FRMPD4: variants seen among roughly 807,000 people sequenced by gnomAD.
FRMPD4 encodes FERM and PDZ domain containing 4, also known as FERM and PDZ domain-containing protein 4.
Under a neutral mutation model 94.1 loss-of-function variants are expected in FRMPD4, and 22 were observed. The ratio of observed to expected loss-of-function variants is 0.23; its 90% confidence interval spans 0.17 to 0.33. The LOEUF (loss-of-function observed/expected upper bound fraction) is 0.33, where lower values mean the gene tolerates loss of function less well. Among genes scored for constraint, FRMPD4 ranks in the 10% least tolerant of loss-of-function variants. The pLI, the probability that FRMPD4 is intolerant of heterozygous loss-of-function variation, is 1.00. For synonymous variants in FRMPD4, 631 were observed against 548.6 expected (o/e 1.15, Z -2.10); for missense variants, 1,111 against 1,339.9 (o/e 0.83, Z 2.67).
At chrX:12,071,117 A>G (rs139007823) in intron 3 of FRMPD4, among the ~76,000 whole-genome samples, 3,883 of 111,327 alleles carry the variant, frequency 0.035, 81 homozygotes, top group Non-Finnish European at 0.056. Flanking sequence ...TGGGTCTCTG[A>G]GTATTGATCA....
intron 1 of FRMPD4, among the ~76,000 whole-genome samples, chrX:12,331,818 CTATATATAAATTATATAT>C (rs2055402362): frequency 1.3e-4 from 4 of 31,238 alleles, no homozygotes; most frequent in African/African-American, 6.5e-4. Flanking sequence ...TATTTATATA[CTATATATAAATTATATAT>C]ATTTATATAC....
At chrX:12,607,373 T>G (rs1160694131) in intron 2 of FRMPD4, among the ~76,000 whole-genome samples, 1 of 111,549 alleles carries the variant, frequency 9.0e-6, no homozygotes, top group African/African-American at 3.3e-5. Flanking sequence ...TTTCTATTAA[T>G]AGAATGGTGG....
intron 9 of FRMPD4, among the ~76,000 whole-genome samples, chrX:12,695,401 T>A (rs4830472): frequency 0.35 from 39,173 of 110,413 alleles, 5,495 homozygotes; most frequent in Middle Eastern, 0.46. Flanking sequence ...ACTCTTTTTT[T>A]TTTATTTATT....
At chrX:12,085,604 T>C in intron 3 of FRMPD4, among the ~76,000 whole-genome samples, 1 of 110,919 alleles carries the variant, frequency 9.0e-6, no homozygotes, top group East Asian at 2.8e-4. Context: ...GGGCATGATT[T>C]CTCGTGCCTG....
intron 1 of FRMPD4, among the ~76,000 whole-genome samples, chrX:12,422,997 G>A (rs1344277632): frequency 9.0e-6 from 1 of 111,201 alleles, no homozygotes; most frequent in Non-Finnish European, 1.9e-5. Context: ...TGAGGGGAAA[G>A]GGTTTTCTTG....
At chrX:12,563,229 TGTAA>T (rs1311066059) in intron 2 of FRMPD4, among the ~76,000 whole-genome samples, 1 of 85,269 alleles carries the variant, frequency 1.2e-5, no homozygotes, top group East Asian at 3.3e-4. Flanking sequence ...ATTTTATGCA[TGTAA>T]GTGTGTACAC....
intron 1 of FRMPD4, among the ~76,000 whole-genome samples, chrX:12,144,810 G>A (rs2055741077): frequency 9.3e-6 from 1 of 107,449 alleles, no homozygotes; most frequent in Non-Finnish European, 1.9e-5. Context: ...GGTGATTGAT[G>A]GTTAAAAAGT....
At chrX:12,414,297 A>G (rs982678760) in intron 1 of FRMPD4, among the ~76,000 whole-genome samples, 2 of 112,321 alleles carry the variant, frequency 1.8e-5, no homozygotes, top group African/African-American at 6.5e-5. Context: ...TGAGTTGTCT[A>G]CTTTCTGGCA....
chrX:11,921,626 C>G (rs1462167251), intron 3 of FRMPD4, among the ~76,000 whole-genome samples: 2 of 111,960 alleles, frequency 1.8e-5, no homozygotes, highest in Non-Finnish European at 3.8e-5. Flanking sequence ...AGCTCTGTTG[C>G]TGGTCCATTT....
intron 2 of FRMPD4, among the ~76,000 whole-genome samples, chrX:12,549,747 A>G (rs985179631): frequency 4.4e-5 from 5 of 112,391 alleles, no homozygotes; most frequent in Non-Finnish European, 9.4e-5. Flanking sequence ...CTAGTCTAAC[A>G]AAAGCTCTGT....
intron 3 of FRMPD4, among the ~76,000 whole-genome samples, chrX:12,039,738 G>A (rs748950380): frequency 1.8e-5 from 2 of 110,292 alleles, no homozygotes; most frequent in African/African-American, 6.6e-5. Flanking sequence ...GGGAGGCCGA[G>A]GTGGGTGGAT....
intron 3 of FRMPD4, among the ~76,000 whole-genome samples, chrX:12,102,269 C>T (rs2055261965): frequency 8.9e-6 from 1 of 111,847 alleles, no homozygotes; most frequent in Non-Finnish European, 1.9e-5. Context: ...AGGGAAAGGG[C>T]CCTTTTGTAA....
intron 1 of FRMPD4, among the ~76,000 whole-genome samples, chrX:12,353,045 G>A (rs773444827): frequency 2.7e-5 from 3 of 111,905 alleles, no homozygotes; most frequent in Non-Finnish European, 3.8e-5. Flanking sequence ...AAAGCCAGTC[G>A]ATAGCTCATA....
In FRMPD4 at chrX:11,903,888, T is replaced by A. The variant is rs5978475; in HGVS notation, c.95+25870T>A. ...TTGACCTCCTGGGCTCAGGCAATGC[T>A]CTCAGCTCAACCTCCAGAGTAGCTG... On this transcript the variant is annotated intron_variant, in intron 3 of 18. Coordinates refer to the FRMPD4 transcript ENST00000640291. 3.1e-3 allele frequency among the ~76,000 whole-genome samples: 349 copies of A among 111,463 alleles called. 3 individuals carry two copies. Among genetic ancestry groups the A allele is most frequent in the African/African-American group, 0.011 (333 of 30,622 alleles).
chrX:12,358,239 A>C (rs1474723139), intron 1 of FRMPD4, among the ~76,000 whole-genome samples: 1 of 111,261 alleles, frequency 9.0e-6, no homozygotes, highest in Non-Finnish European at 1.9e-5. Flanking sequence ...TGCAATATAC[A>C]CACAACTTCT....
At chrX:12,717,283 T>C (rs2042109238) in intron 15 of FRMPD4, 150 bp downstream of exon 15, 1 of 467,260 alleles carries the variant, frequency 2.1e-6, no homozygotes, top group Middle Eastern at 6.0e-4. Flanking sequence ...ATGGGTTTTT[T>C]TGTGTGTATG....
At position 12,138,785 on chromosome X, in the gene FRMPD4, G is replaced by A. The variant is rs2055640258; in HGVS notation, c.-187G>A. On this transcript the variant is annotated 5_prime_UTR_variant, in exon 1 of 17. Coordinates refer to ENST00000675598, the MANE Select transcript of FRMPD4 (RefSeq NM_001368397.1). ...GCTCGGGGATGCACACGCAGCTCGC[G>A]GCCGGAGGGGGGTAGCAGCCGCCGC... The A allele has an allele frequency of 8.4e-6, 3 of 359,219 alleles. No homozygotes were observed. The East Asian group carries it at 1.4e-4, about 16-fold the overall frequency. 29.6% of individuals were successfully genotyped at this position (359,219 alleles called of 1,213,427 possible). A position where few individuals can be genotyped will look rare whatever the true frequency, so the allele number is the denominator to read the frequency against.
At chrX:12,129,373 C>T in intron 3 of FRMPD4, among the ~76,000 whole-genome samples, 1 of 111,477 alleles carries the variant, frequency 9.0e-6, no homozygotes, top group Non-Finnish European at 1.9e-5. Context: ...CCTTATAAGA[C>T]CATCAGAGCT....
chrX:12,453,190 C>T (rs768078849), intron 1 of FRMPD4, among the ~76,000 whole-genome samples: 2 of 110,712 alleles, frequency 1.8e-5, no homozygotes, highest in Non-Finnish European at 3.8e-5. Context: ...CTACAGTAGG[C>T]AGAGCAAATT....
Sources: allele counts gnomAD v4.1 joint callset (sites outside exome capture counted in the v4.1 genomes callset), GRCh38; gene constraint gnomAD v4.1.1; transcripts MANE v1.5; gene names NCBI Gene and HGNC (gene_info 2026-07-23, HGNC 2026-07-21).